CDH20: variants seen among roughly 807,000 people sequenced by gnomAD.
The protein encoded by CDH20 is cadherin 20.
Under a neutral mutation model 74.2 loss-of-function variants are expected in CDH20, and 29 were observed. The observed-to-expected ratio is 0.39, with a 90% confidence interval of 0.29 to 0.53. CDH20 has a LOEUF of 0.53. Ranked by LOEUF, CDH20 falls within the 20% of genes least tolerant of loss-of-function variation. CDH20 has a pLI of 0.69. For missense variants in CDH20, 988 were observed against 1,048.3 expected (o/e 0.94, Z 0.79); for synonymous variants, 469 against 405.4 (o/e 1.16, Z -1.88).
intron 2 of CDH20, among the ~76,000 whole-genome samples, chr18:61,496,977 G>A (rs914415203): frequency 5.3e-5 from 8 of 151,640 alleles, no homozygotes; most frequent in Admixed American, 2.6e-4. Context: ...GGTCCAAATG[G>A]AATAGATTTT....
At chr18:61,361,153 C>T (rs1193893154) in intron 1 of CDH20, among the ~76,000 whole-genome samples, 1 of 152,238 alleles carries the variant, frequency 6.6e-6, no homozygotes, top group African/African-American at 2.4e-5. Context: ...CCACTCCCTT[C>T]TCCCCTTTGC....
At chr18:61,504,680 G>C (rs1911497944) in intron 5 of CDH20, among the ~76,000 whole-genome samples, 1 of 152,120 alleles carries the variant, frequency 6.6e-6, no homozygotes, top group African/African-American at 2.4e-5. Flanking sequence ...GAAACACTTA[G>C]CTAGGGAAAC....
intron 6 of CDH20, among the ~76,000 whole-genome samples, chr18:61,524,456 C>G (rs1222947235): frequency 6.6e-6 from 1 of 151,974 alleles, no homozygotes; most frequent in African/African-American, 2.4e-5. Flanking sequence ...GGTATTTACC[C>G]CACTGAAATG....
intron 7 of CDH20, among the ~76,000 whole-genome samples, chr18:61,534,208 C>T (rs775741681): frequency 9.2e-5 from 14 of 152,154 alleles, no homozygotes; most frequent in East Asian, 1.9e-4. Flanking sequence ...AACGTTAGAA[C>T]GTCTGTTGTC....
At chr18:61,486,137 G>T (rs1054655081) in intron 1 of CDH20, among the ~76,000 whole-genome samples, 2 of 152,168 alleles carry the variant, frequency 1.3e-5, no homozygotes, top group African/African-American at 4.8e-5. Context: ...TCTGTATAGA[G>T]TACAGAAGAA....
intron 9 of CDH20, among the ~76,000 whole-genome samples, chr18:61,540,855 G>A (rs1913010105): frequency 6.6e-6 from 1 of 152,118 alleles, no homozygotes. Flanking sequence ...CTCAGCCAAA[G>A]CAAAAAGTGA....
intron 1 of CDH20, among the ~76,000 whole-genome samples, chr18:61,453,433 G>T (rs1012155645): frequency 8.6e-5 from 13 of 151,946 alleles, no homozygotes; most frequent in African/African-American, 3.1e-4. Context: ...GTGTGCCACC[G>T]TGCCCAGCTA....
intron 10 of CDH20, among the ~76,000 whole-genome samples, chr18:61,547,377 G>C (rs1913287505): frequency 6.6e-6 from 1 of 152,128 alleles, no homozygotes; most frequent in Non-Finnish European, 1.5e-5. Flanking sequence ...CAGATCTACT[G>C]TCAACTACCT....
chr18:61,496,103 T>C (rs1382807067), intron 2 of CDH20, among the ~76,000 whole-genome samples: 1 of 7,946 alleles, frequency 1.3e-4, no homozygotes, highest in African/African-American at 7.0e-4. Flanking sequence ...TCCTCTCTCC[T>C]TCTCTCCTCC....
In CDH20 at chr18:61,490,655, G is replaced by T. The variant is rs774221307; in HGVS notation, c.102G>T (p.Ser34=). ...GLMDLTTTVL[S]DTPTPQGELE... ...TGGACCTTACGACCACCGTTCTCTC[G>T]GACACCCCAACACCACAAGGTGAAT... Residue 34 remains serine, a synonymous_variant, in exon 2 of 12, where the codon TCG becomes TCT. Coordinates refer to ENST00000262717, the MANE Select transcript of CDH20 (RefSeq NM_031891.4). 1.9e-6 allele frequency: 3 copies of T among 1,613,860 alleles called. No individual in the cohort carries two copies. The African/African-American group carries it at 4.0e-5, about 22-fold the overall frequency.
At chr18:61,354,838 T>C (rs1910444880) in intron 1 of CDH20, among the ~76,000 whole-genome samples, 1 of 152,252 alleles carries the variant, frequency 6.6e-6, no homozygotes, top group Non-Finnish European at 1.5e-5. Flanking sequence ...AGGTTTGAGC[T>C]ACCTACACAT....
chr18:61,496,618 TCTTAAAGCG>T (rs756632920), intron 2 of CDH20, among the ~76,000 whole-genome samples: 92 of 151,794 alleles, frequency 6.1e-4, no homozygotes, highest in Non-Finnish European at 1.1e-3. Flanking sequence ...CGCTGTCGTT[TCTTAAAGCG>T]CTTAAAGCGC....
At chr18:61,511,873 T>G (rs1267515414) in intron 6 of CDH20, among the ~76,000 whole-genome samples, 1 of 152,214 alleles carries the variant, frequency 6.6e-6, no homozygotes, top group Non-Finnish European at 1.5e-5. Flanking sequence ...CTTCTGAACT[T>G]ATGAGCTGCC....
intron 1 of CDH20, among the ~76,000 whole-genome samples, chr18:61,369,851 G>A (rs528305215): frequency 2.0e-5 from 3 of 152,074 alleles, no homozygotes; most frequent in Non-Finnish European, 4.4e-5. Context: ...TTGTAAGTGG[G>A]AGCTAACTGA....
chr18:61,395,237 C>G (rs1326292388), intron 1 of CDH20, among the ~76,000 whole-genome samples: 1 of 152,178 alleles, frequency 6.6e-6, no homozygotes, highest in African/African-American at 2.4e-5. Context: ...AACTAACAGA[C>G]TTGACACTCA....
At chr18:61,411,618 A>G (rs189749153) in intron 1 of CDH20, among the ~76,000 whole-genome samples, 4,467 of 111,284 alleles carry the variant, frequency 0.04, 249 homozygotes, top group African/African-American at 0.14. Flanking sequence ...ATATATATAT[A>G]TGTGAGATAT....
chr18:61,512,486 T>C lies in CDH20; in HGVS notation c.1017+4926T>C, dbSNP rs9962823. On this transcript the variant is annotated intron_variant, in intron 6 of 11. Coordinates refer to ENST00000262717, the MANE Select transcript of CDH20 (RefSeq NM_031891.4). ...GTCATTTAAGAACAGTTCTTGCCAA[T>C]TTAAATAATACAATACTTTCTTATT... 3.5e-3 allele frequency among the ~76,000 whole-genome samples: 539 copies of C among 152,346 alleles called. 3 individuals are homozygous for C. Among genetic ancestry groups the C allele is most frequent in the African/African-American group, 0.012 (518 of 41,588 alleles).
At chr18:61,350,624 T>C (rs2144111257) in intron 1 of CDH20, among the ~76,000 whole-genome samples, 1 of 152,284 alleles carries the variant, frequency 6.6e-6, no homozygotes, top group African/African-American at 2.4e-5. Flanking sequence ...TATATGCTAG[T>C]TACTCTAAGA....
At position 61,499,384 on chromosome 18, in the gene CDH20, T is replaced by C; in HGVS notation, c.445T>C (p.Ser149Pro). ...RRTGRPMEPE[S>P]EFIIKIQDIN... ...GACGGGCAGGCCAATGGAGCCCGAG[T>C]CAGAGTTCATCATCAAAATTCAAGA... is the stretch of plus-strand genomic sequence containing the variant. Residue 149 changes from serine to proline, a missense_variant, in exon 3 of 12, where the codon TCA becomes CCA. Coordinates refer to ENST00000262717, the MANE Select transcript of CDH20 (RefSeq NM_031891.4). The C allele has an allele frequency of 1.2e-6, 2 of 1,613,982 alleles. No individual in the cohort carries two copies. Among genetic ancestry groups the C allele is most frequent in the Non-Finnish European group, 1.7e-6 (2 of 1,179,996 alleles).
Sources: allele counts gnomAD v4.1 joint callset (sites outside exome capture counted in the v4.1 genomes callset), GRCh38; gene constraint gnomAD v4.1.1; transcripts MANE v1.5; gene names NCBI Gene and HGNC (gene_info 2026-07-23, HGNC 2026-07-21).